ZNF385B: variants seen among roughly 807,000 people sequenced by gnomAD.
ZNF385B encodes zinc finger protein 533.
A neutral mutation model predicts 39.2 loss-of-function variants in ZNF385B; 23 were observed. The ratio of observed to expected loss-of-function variants is 0.59; its 90% CI spans 0.42 to 0.83. The LOEUF (loss-of-function observed/expected upper bound fraction) is 0.83. ZNF385B is among the 40% of genes least tolerant of loss of function. The probability of loss-of-function intolerance (pLI) is 0.00; values close to 1 mark genes in which losing one functional copy is unlikely to be tolerated. For synonymous variants in ZNF385B, 205 were observed against 222.6 expected, an observed-to-expected ratio of 0.92 and a Z score of 0.70; for missense variants, 552 against 598.9, an observed-to-expected ratio of 0.92 and a Z score of 0.82.
chr2:179,804,205 C>T (rs190771009), intron 1 of ZNF385B, among the ~76,000 whole-genome samples: 1 of 152,250 alleles, frequency 6.6e-6, no homozygotes, highest in South Asian at 2.1e-4. Flanking sequence ...CTCACAAATA[C>T]CACCTTCAGC....
intron 6 of ZNF385B, among the ~76,000 whole-genome samples, chr2:179,468,589 T>A (rs2052378193): frequency 6.6e-6 from 1 of 152,134 alleles, no homozygotes; most frequent in South Asian, 2.1e-4. Context: ...AATGAATGGC[T>A]CTTTATAGAG....
chr2:179,846,063 G>T (rs927280335), intron 1 of ZNF385B, among the ~76,000 whole-genome samples: 1 of 152,212 alleles, frequency 6.6e-6, no homozygotes, highest in Admixed American at 6.5e-5. Context: ...GCTATGGAAA[G>T]TCATCGCCTT....
intron 1 of ZNF385B, chr2:179,814,556 C>T: frequency 1.3e-6 from 1 of 787,578 alleles, no homozygotes; most frequent in South Asian, 1.3e-5. Flanking sequence ...ACAAGATTAA[C>T]TGGGCCATGG....
chr2:179,769,264 C>G (rs1435808000), intron 3 of ZNF385B, among the ~76,000 whole-genome samples: 1 of 151,964 alleles, frequency 6.6e-6, no homozygotes, highest in Non-Finnish European at 1.5e-5. Context: ...GTCTCTGGAC[C>G]CATATACAAA....
intron 3 of ZNF385B, among the ~76,000 whole-genome samples, chr2:179,720,446 A>AGGGGAGG (rs1700613939): frequency 1.8e-5 from 1 of 55,694 alleles, no homozygotes; most frequent in Non-Finnish European, 3.3e-5. Flanking sequence ...AGCAGGGGAG[A>AGGGGAGG]GGGGAGGGGA....
intron 5 of ZNF385B, among the ~76,000 whole-genome samples, chr2:179,504,694 A>G (rs112978774): frequency 1.3e-5 from 2 of 151,866 alleles, no homozygotes; most frequent in Non-Finnish European, 2.9e-5. Flanking sequence ...GCATTAGGAG[A>G]TATACCTAAT....
chr2:179,718,980 T>TA (rs1559127004), intron 3 of ZNF385B, among the ~76,000 whole-genome samples: 5 of 151,530 alleles, frequency 3.3e-5, no homozygotes, highest in South Asian at 2.1e-4. Flanking sequence ...GTATATATAT[T>TA]TTTTTTTTCT....
intron 5 of ZNF385B, among the ~76,000 whole-genome samples, chr2:179,485,667 C>T (rs2054491406): frequency 6.6e-6 from 1 of 152,088 alleles, no homozygotes. Flanking sequence ...AACATCATAT[C>T]TATATATTTG....
At chr2:179,444,582 G>T (rs182913611) in intron 9 of ZNF385B, among the ~76,000 whole-genome samples, 1 of 152,242 alleles carries the variant, frequency 6.6e-6, no homozygotes, top group Admixed American at 6.5e-5. Context: ...GATTCCTTAG[G>T]CATCACTTGT....
At chr2:179,848,766 C>T (rs886728396) in intron 1 of ZNF385B, among the ~76,000 whole-genome samples, 3 of 152,156 alleles carry the variant, frequency 2.0e-5, no homozygotes, top group Non-Finnish European at 2.9e-5. Context: ...GCAGGAAGAA[C>T]CTTGACTGTC....
intron 6 of ZNF385B, among the ~76,000 whole-genome samples, chr2:179,471,720 A>C (rs2052793421): frequency 6.6e-6 from 1 of 152,180 alleles, no homozygotes; most frequent in Non-Finnish European, 1.5e-5. Flanking sequence ...TGACAATTGG[A>C]TTTCAATAGA....
At chr2:179,811,058 T>C (rs1305739401) in intron 1 of ZNF385B, among the ~76,000 whole-genome samples, 6 of 152,044 alleles carry the variant, frequency 3.9e-5, no homozygotes, top group Non-Finnish European at 1.5e-5. Flanking sequence ...TCATTTACAA[T>C]AGCCACACAC....
chr2:179,772,512 CCA>C (rs1704070154), intron 1 of ZNF385B, among the ~76,000 whole-genome samples: 1 of 152,168 alleles, frequency 6.6e-6, no homozygotes, highest in Non-Finnish European at 1.5e-5. Context: ...CCACTTGCAA[CCA>C]AAGTATATTT....
chr2:179,477,779 A>T (rs1302667666), intron 6 of ZNF385B, among the ~76,000 whole-genome samples: 1 of 148,706 alleles, frequency 6.7e-6, no homozygotes, highest in African/African-American at 2.6e-5. Flanking sequence ...CTGTTATTCA[A>T]ATTTGTTCTT....
intron 3 of ZNF385B, among the ~76,000 whole-genome samples, chr2:179,628,320 T>A (rs1690861813): frequency 1.3e-5 from 2 of 152,204 alleles, no homozygotes; most frequent in Admixed American, 1.3e-4. Context: ...TTAATTTATT[T>A]TAATCTGTTA....
intron 3 of ZNF385B, among the ~76,000 whole-genome samples, chr2:179,703,413 A>ACTTT (rs142465647): frequency 0.029 from 4,459 of 152,224 alleles, 220 homozygotes; most frequent in African/African-American, 0.1. Flanking sequence ...CCTCTTCCTT[A>ACTTT]ATTTTCTTTC....
In ZNF385B at chr2:179,769,489, A is replaced by C. The variant is rs771633877; in HGVS notation, c.298+14T>G. 137 of 1,612,272 alleles carry C rather than the reference A, an allele frequency of 8.5e-5. No individual in the cohort carries two copies. The highest frequency in any genetic ancestry group is 1.1e-4 in the Non-Finnish European group (132 of 1,179,410). ...CTCCCCGCAGCACATGGAACCCGGG[A>C]CCCTGCCTCCTACCTGTGCTGCTGT... is the stretch of plus-strand genomic sequence containing the variant. On this transcript the variant is annotated intron_variant, in intron 3 of 9. Coordinates refer to ENST00000410066, the MANE Select transcript of ZNF385B (RefSeq NM_152520.6).
At chr2:179,851,171 C>T (rs1684115482) in intron 1 of ZNF385B, among the ~76,000 whole-genome samples, 1 of 152,218 alleles carries the variant, frequency 6.6e-6, no homozygotes, top group African/African-American at 2.4e-5. Context: ...GAAGTTGAGG[C>T]CAGACACAGT....
chr2:179,821,745 A>G (rs1575554199), intron 1 of ZNF385B, among the ~76,000 whole-genome samples: 1 of 152,062 alleles, frequency 6.6e-6, no homozygotes, highest in African/African-American at 2.4e-5. Flanking sequence ...TGCCTTGACT[A>G]TAGATTGCAG....
Sources: gnomAD v4.1 joint callset for allele counts (sites outside exome capture counted in the v4.1 genomes callset) on GRCh38, gnomAD v4.1.1 for gene constraint, MANE v1.5 for transcripts, NCBI Gene and HGNC (gene_info 2026-07-23, HGNC 2026-07-21) for gene names.